DLGAP1: variants seen among roughly 807,000 people sequenced by gnomAD.
The protein encoded by DLGAP1 is DLG associated protein 1, also known as disks large-associated protein 1.
DLGAP1 carries 11 observed loss-of-function variants against 90.8 expected under a neutral mutation model. That is an observed-to-expected ratio of 0.12 (90% CI 0.08 to 0.20). The LOEUF is 0.20. DLGAP1 is among the 10% of genes least tolerant of loss of function. The pLI, the probability that DLGAP1 is intolerant of heterozygous loss-of-function variation, is 1.00. For missense variants in DLGAP1, 1,050 were observed against 1,333.8 expected (o/e 0.79, Z 3.31); for synonymous variants, 558 against 540.7 (o/e 1.03, Z -0.44).
chr18:4,207,933 C>T (rs372906281), intron 1 of DLGAP1, among the ~76,000 whole-genome samples: 25 of 152,230 alleles, frequency 1.6e-4, no homozygotes, highest in African/African-American at 4.8e-4. Context: ...AGAAATCATC[C>T]GCATTTTTTT....
At chr18:3,858,491 C>T (rs1011269135) in intron 4 of DLGAP1, among the ~76,000 whole-genome samples, 8 of 121,784 alleles carry the variant, frequency 6.6e-5, no homozygotes, top group African/African-American at 1.3e-4. Context: ...TATATATATA[C>T]GTGTATATAT....
chr18:3,499,498 G>A lies in DLGAP1; in HGVS notation c.2725-104C>T. 1 of 1,260,472 alleles carries A rather than the reference G, an allele frequency of 7.9e-7. No individual in the cohort carries two copies. The highest frequency in any genetic ancestry group is 1.1e-6 in the Non-Finnish European group (1 of 908,022). The allele number at this position is 1,260,472 out of a possible 1,614,324, so 78.1% of individuals were successfully genotyped here. On this transcript the variant is annotated intron_variant, in intron 12 of 12. Transcript: ENST00000315677. This position sits in a 1 kb window ranked among gnomAD's most constrained non-coding sequence, Gnocchi z 6.4. ...AGAACACACAGTTTTTTACCTAGGG[G>A]TGGTTAGTTCTGATCTGCACACTGC...
At chr18:4,346,082 G>C (rs1303814772) in intron 1 of DLGAP1, among the ~76,000 whole-genome samples, 1 of 152,184 alleles carries the variant, frequency 6.6e-6, no homozygotes, top group African/African-American at 2.4e-5. Flanking sequence ...AAAGAAGGAA[G>C]GCAAGTCTGT....
At chr18:3,668,747 C>T (rs2059971363) in intron 7 of DLGAP1, among the ~76,000 whole-genome samples, 1 of 152,172 alleles carries the variant, frequency 6.6e-6, no homozygotes, top group African/African-American at 2.4e-5. Context: ...CATGGAATCC[C>T]AGCACTTTGG....
chr18:3,547,046 A>G (rs930487992), intron 9 of DLGAP1, among the ~76,000 whole-genome samples: 2 of 152,062 alleles, frequency 1.3e-5, no homozygotes, highest in African/African-American at 4.8e-5. Context: ...TCACGCCTGT[A>G]ATCCCAGCAC....
chr18:3,844,260 A>G (rs906551708), intron 4 of DLGAP1, among the ~76,000 whole-genome samples: 3 of 152,188 alleles, frequency 2.0e-5, no homozygotes, highest in Admixed American at 1.3e-4. Flanking sequence ...AAAGTCTCTG[A>G]TTTTTCAGGT....
intron 1 of DLGAP1, among the ~76,000 whole-genome samples, chr18:4,434,677 T>G (rs537179082): frequency 7.2e-5 from 11 of 152,174 alleles, no homozygotes; most frequent in African/African-American, 2.4e-4. Flanking sequence ...ATCAGCAGGG[T>G]GACAAAATGT....
In DLGAP1 at chr18:3,858,053, A is replaced by G. The variant is rs145850997; in HGVS notation, c.957+21059T>C. Among the ~76,000 whole-genome samples the G allele has an allele frequency of 4.5e-4, 69 of 152,296 alleles. 1 individual carries two copies. The East Asian group carries it at 0.012, about 27-fold the overall frequency. ...TATCTGAATAAATGAACATTTGCCT[A>G]CGGGATATCTTCAACTGAATAGGCT... is the stretch of plus-strand genomic sequence containing the variant. On this transcript the variant is annotated intron_variant, in intron 4 of 12. Transcript: ENST00000315677.
chr18:3,976,750 A>G (rs2073589231), intron 3 of DLGAP1, among the ~76,000 whole-genome samples: 1 of 152,206 alleles, frequency 6.6e-6, no homozygotes, highest in South Asian at 2.1e-4. Flanking sequence ...GCATGAATCT[A>G]TTTTTAGCAT....
At chr18:4,233,405 T>G (rs1055015495) in intron 1 of DLGAP1, among the ~76,000 whole-genome samples, 2 of 152,208 alleles carry the variant, frequency 1.3e-5, no homozygotes, top group Admixed American at 6.5e-5. Context: ...CAGTTTGAGA[T>G]TGTCTGATAT....
intron 2 of DLGAP1, among the ~76,000 whole-genome samples, chr18:4,099,598 CT>C (rs2075745746): frequency 6.6e-6 from 1 of 151,924 alleles, no homozygotes; most frequent in African/African-American, 2.4e-5. Context: ...GAGTTGTAAT[CT>C]TTTTGCGGTG....
intron 1 of DLGAP1, among the ~76,000 whole-genome samples, chr18:4,180,587 T>C (rs2077190477): frequency 6.6e-6 from 1 of 152,172 alleles, no homozygotes. Flanking sequence ...TTTTAAAAAG[T>C]AGTTTGAAAT....
At chr18:4,350,041 C>T (rs2081375705) in intron 1 of DLGAP1, among the ~76,000 whole-genome samples, 1 of 152,030 alleles carries the variant, frequency 6.6e-6, no homozygotes, top group Non-Finnish European at 1.5e-5. Context: ...CAATTAAAAC[C>T]AAGTATTAAC....
At chr18:3,629,904 T>C (rs1440357762) in intron 7 of DLGAP1, among the ~76,000 whole-genome samples, 3 of 152,182 alleles carry the variant, frequency 2.0e-5, no homozygotes, top group Non-Finnish European at 4.4e-5. Context: ...TTTCATGCTC[T>C]TCATATTTTA....
At chr18:3,796,018 G>T (rs1347322440) in intron 5 of DLGAP1, among the ~76,000 whole-genome samples, 1 of 152,160 alleles carries the variant, frequency 6.6e-6, no homozygotes. Context: ...ATACGATTAA[G>T]GAGTTAAGGA....
At chr18:3,752,429 T>G (rs925141658) in intron 5 of DLGAP1, among the ~76,000 whole-genome samples, 2 of 152,128 alleles carry the variant, frequency 1.3e-5, no homozygotes, top group African/African-American at 4.8e-5. Context: ...GGACACTTCA[T>G]GTACATGGAA....
intron 1 of DLGAP1, among the ~76,000 whole-genome samples, chr18:4,235,603 C>G (rs912971947): frequency 6.6e-6 from 1 of 151,440 alleles, no homozygotes; most frequent in Non-Finnish European, 1.5e-5. Flanking sequence ...TAAATGAACA[C>G]TTTCTCTTAT....
At chr18:4,104,261 A>T (rs1021310345) in intron 2 of DLGAP1, among the ~76,000 whole-genome samples, 4 of 152,120 alleles carry the variant, frequency 2.6e-5, no homozygotes, top group Non-Finnish European at 5.9e-5. Flanking sequence ...TTGTCTTGAA[A>T]TATTCTATTA....
chr18:3,928,299 G>A (rs1054655188), intron 3 of DLGAP1, among the ~76,000 whole-genome samples: 1 of 152,180 alleles, frequency 6.6e-6, no homozygotes, highest in African/African-American at 2.4e-5. Flanking sequence ...TTGAGTTGTT[G>A]CCATGTTGAT....
Sources: gnomAD v4.1 joint callset for allele counts (sites outside exome capture counted in the v4.1 genomes callset) on GRCh38, gnomAD v4.1.1 for gene constraint, Gnocchi (gnomAD v3.1) non-coding constraint, MANE v1.5 for transcripts, NCBI Gene and HGNC (gene_info 2026-07-23, HGNC 2026-07-21) for gene names.